Variants in FSTL5 observed in about 807,000 individuals in gnomAD.
FSTL5 encodes follistatin-related protein 5.
A neutral mutation model predicts 89.1 loss-of-function variants in FSTL5; 62 were observed. The observed-to-expected ratio is 0.70, with a 90% CI of 0.57 to 0.86. The LOEUF (loss-of-function observed/expected upper bound fraction) is 0.86, where lower values mean the gene tolerates loss of function less well. Among genes scored for constraint, FSTL5 ranks in the 40% least tolerant of loss-of-function variants. The probability of loss-of-function intolerance (pLI) is 0.00; values close to 1 mark genes in which losing one functional copy is unlikely to be tolerated. For synonymous variants in FSTL5, 383 were observed against 346.2 expected (o/e 1.11, Z -1.18); for missense variants, 1,057 against 1,001.6 (o/e 1.06, Z -0.75).
chr4:161,504,563 T>C (rs1039769684), intron 11 of FSTL5, among the ~76,000 whole-genome samples: 6 of 151,366 alleles, frequency 4.0e-5, no homozygotes, highest in African/African-American at 1.5e-4. Flanking sequence ...TCTAACAGAG[T>C]ATAGTGACTC....
chr4:161,625,973 T>C (rs780050544), intron 7 of FSTL5, among the ~76,000 whole-genome samples: 9 of 152,076 alleles, frequency 5.9e-5, no homozygotes, highest in Non-Finnish European at 1.0e-4. Context: ...GGCTGAGATA[T>C]ATGAAAGCAC....
chr4:161,388,545 C>T (rs536653747), intron 15 of FSTL5: 1 of 152,006 alleles, frequency 6.6e-6, no homozygotes, highest in Non-Finnish European at 1.5e-5. Context: ...TAATGAACTC[C>T]ATTTACTATA....
chr4:162,144,325 G>A (rs550678386), intron 1 of FSTL5, among the ~76,000 whole-genome samples: 1 of 152,270 alleles, frequency 6.6e-6, no homozygotes, highest in African/African-American at 2.4e-5. Context: ...TATTATCGAT[G>A]TAACTCAATT....
intron 10 of FSTL5, among the ~76,000 whole-genome samples, chr4:161,521,319 CCA>C (rs1172067630): frequency 2.0e-5 from 3 of 151,902 alleles, no homozygotes; most frequent in Non-Finnish European, 2.9e-5. Flanking sequence ...CTCAAGTCAT[CCA>C]CAGTGTTTTT....
chr4:161,811,658 A>T (rs11725741), intron 4 of FSTL5, among the ~76,000 whole-genome samples: 79,711 of 151,988 alleles, frequency 0.52, 24,899 homozygotes, highest in Non-Finnish European at 0.7. Flanking sequence ...TGAAAAAAAT[A>T]AAAAATATGT....
intron 6 of FSTL5, among the ~76,000 whole-genome samples, chr4:161,706,064 C>A (rs1163951548): frequency 7.0e-6 from 1 of 143,402 alleles, no homozygotes; most frequent in African/African-American, 2.6e-5. Context: ...AGGTATCTAG[C>A]ATACACCACT....
At chr4:161,799,641 TAAC>T (rs1467656756) in intron 4 of FSTL5, among the ~76,000 whole-genome samples, 1 of 151,680 alleles carries the variant, frequency 6.6e-6, no homozygotes, top group Non-Finnish European at 1.5e-5. Context: ...TACAAGAAGA[TAAC>T]AACAGCCAAT....
chr4:161,666,931 C>T (rs894344762), intron 6 of FSTL5, among the ~76,000 whole-genome samples: 1 of 151,978 alleles, frequency 6.6e-6, no homozygotes, highest in Admixed American at 6.5e-5. Flanking sequence ...GAGTAAAAGA[C>T]TTTTCAATGA....
At chr4:161,453,522 C>A (rs535671572) in intron 15 of FSTL5, among the ~76,000 whole-genome samples, 1 of 152,182 alleles carries the variant, frequency 6.6e-6, no homozygotes, top group Non-Finnish European at 1.5e-5. Flanking sequence ...CAATCAGAAC[C>A]TAAAAAACTG....
intron 7 of FSTL5, among the ~76,000 whole-genome samples, chr4:161,630,856 C>T (rs534182684): frequency 3.3e-5 from 5 of 152,316 alleles, no homozygotes; most frequent in Non-Finnish European, 5.9e-5. Context: ...TTGTCCTCAT[C>T]TGTTGACAGA....
At chr4:161,679,260 T>A (rs916288940) in intron 6 of FSTL5, among the ~76,000 whole-genome samples, 5 of 151,752 alleles carry the variant, frequency 3.3e-5, no homozygotes, top group Non-Finnish European at 7.4e-5. Context: ...CATTGAAACA[T>A]AATGTTCACA....
chr4:162,039,171 A>T (rs1185835845), intron 2 of FSTL5, among the ~76,000 whole-genome samples: 2 of 151,800 alleles, frequency 1.3e-5, no homozygotes, highest in Non-Finnish European at 2.9e-5. Flanking sequence ...ACTCTGAGAG[A>T]CTATACATAG....
chr4:161,584,022 C>T (rs910685437), intron 8 of FSTL5, among the ~76,000 whole-genome samples: 1 of 151,358 alleles, frequency 6.6e-6, no homozygotes, highest in Non-Finnish European at 1.5e-5. Context: ...AAAACACTAG[C>T]TAAATCAGAA....
intron 2 of FSTL5, among the ~76,000 whole-genome samples, chr4:162,076,462 G>C (rs1037481781): frequency 6.6e-6 from 1 of 151,898 alleles, no homozygotes; most frequent in African/African-American, 2.4e-5. Flanking sequence ...TTTAGGTAAA[G>C]CTTCAATGGG....
chr4:161,740,120 AG>A (rs1177887960), intron 6 of FSTL5, among the ~76,000 whole-genome samples: 1 of 151,940 alleles, frequency 6.6e-6, no homozygotes, highest in African/African-American at 2.4e-5. Flanking sequence ...CCCGGGTTCA[AG>A]CGATTTTCCT....
rs189254777 is a variant in FSTL5, at chr4:161,751,539, G to A, written c.727+7872C>T. Among the ~76,000 whole-genome samples the A allele has an allele frequency of 4.6e-5, 7 of 152,246 alleles. No homozygotes were observed. In the East Asian group the frequency reaches 5.8e-4, roughly 13 times the overall value. On this transcript the variant is annotated intron_variant, in intron 6 of 15. Coordinates refer to ENST00000306100, the MANE Select transcript of FSTL5 (RefSeq NM_020116.5). ...ACAGGGACTCACACTTGTAATCCCA[G>A]CACTTTGGGAGGCTCACTTGAAGGT...
In FSTL5 at chr4:161,499,926, A is replaced by G. The variant is rs934885634; in HGVS notation, c.1458+90T>C. On this transcript the variant is annotated intron_variant, in intron 12 of 15. Transcript: ENST00000306100. ...AATTTTCTTCCAACACGAGTCTCAT[A>G]TATGTATAGGTTTTGTTATATTTCC... The G allele has an allele frequency of 6.7e-6, 5 of 741,432 alleles. No individual in the cohort carries two copies. The East Asian group carries it at 7.7e-5, about 11-fold the overall frequency. The allele number at this position is 741,432 out of a possible 1,614,324, so 45.9% of individuals were successfully genotyped here.
At chr4:161,497,385 G>T (rs1291553448) in intron 12 of FSTL5, among the ~76,000 whole-genome samples, 1 of 151,936 alleles carries the variant, frequency 6.6e-6, no homozygotes, top group East Asian at 1.9e-4. Flanking sequence ...GCGGAAATTA[G>T]TTATAACAAT....
chr4:161,792,071 G>A (rs1000559976), intron 4 of FSTL5, among the ~76,000 whole-genome samples: 5 of 152,260 alleles, frequency 3.3e-5, no homozygotes, highest in Non-Finnish European at 5.9e-5. Flanking sequence ...GGCCCAAGAA[G>A]TTCCTCCATC....
Sources: allele counts gnomAD v4.1 joint callset (sites outside exome capture counted in the v4.1 genomes callset), GRCh38; gene constraint gnomAD v4.1.1; transcripts MANE v1.5; gene names NCBI Gene and HGNC (gene_info 2026-07-23, HGNC 2026-07-21).